ADI1: variants seen among roughly 807,000 people sequenced by gnomAD.
The protein encoded by ADI1 is acireductone dioxygenase 1.
Under a neutral mutation model 18.7 loss-of-function variants are expected in ADI1, and 21 were observed. That is an observed-to-expected ratio of 1.13 (90% CI 0.80 to 1.62). ADI1 has a LOEUF of 1.62. Among genes scored for constraint, ADI1 ranks in the 40% most tolerant of loss-of-function variants. The pLI is 0.00. For synonymous variants in ADI1, 90 were observed against 100.1 expected (o/e 0.90, Z 0.60); for missense variants, 245 against 254.9 (o/e 0.96, Z 0.26).
intron 2 of ADI1, among the ~76,000 whole-genome samples, chr2:3,503,467 A>C (rs1035011876): frequency 1.4e-5 from 2 of 139,970 alleles, no homozygotes; most frequent in African/African-American, 3.0e-5. Context: ...GTACACTCAC[A>C]CGTGTGCATT....
chr2:3,508,334 C>CAAAAAAAAAAAAAAA (rs33977448), intron 2 of ADI1, among the ~76,000 whole-genome samples: 4 of 26,924 alleles, frequency 1.5e-4, no homozygotes, highest in Non-Finnish European at 2.0e-4. Flanking sequence ...GACTCTGTCT[C>CAAAAAAAAAAAAAAA]AAAAAAAAAA....
Position 3,519,408 on chromosome 2 carries a change from C to G in ADI1, c.80G>C (p.Gly27Ala), listed in dbSNP as rs768517808. The G allele has an allele frequency of 1.0e-3, 1,424 of 1,397,170 alleles. 2 individuals carry two copies. The highest frequency in any genetic ancestry group is 1.2e-3 in the Non-Finnish European group (1,298 of 1,082,778). 86.5% of individuals were successfully genotyped at this position (1,397,170 alleles called of 1,614,324 possible). ...PHRPDPGRPV[G>A]LEQLRRLGVL... ...CCCGAGCCGCCGCAGCTGCTCCAGG[C>G]CCACTGGGCGGCCGGGGTCGGGGCG... Residue 27 changes from glycine to alanine, a missense_variant, in exon 1 of 4, where the codon GGC becomes GCC. Transcript: ENST00000327435.
chr2:3,506,501 C>T (rs769704436), intron 2 of ADI1, among the ~76,000 whole-genome samples: 22 of 152,096 alleles, frequency 1.4e-4, no homozygotes, highest in Non-Finnish European at 7.4e-5. Context: ...ACAAAATATG[C>T]ATAAGATCTA....
chr2:3,502,956 TGAGAG>T (rs1667060409), intron 2 of ADI1, among the ~76,000 whole-genome samples: 1 of 151,738 alleles, frequency 6.6e-6, no homozygotes, highest in Non-Finnish European at 1.5e-5. Context: ...CCTCTCACAG[TGAGAG>T]GAAAGATACA....
At chr2:3,519,062 T>G (rs1667495978) in intron 1 of ADI1, among the ~76,000 whole-genome samples, 1 of 148,704 alleles carries the variant, frequency 6.7e-6, no homozygotes, top group Admixed American at 6.6e-5. Flanking sequence ...TAAACTTCGC[T>G]GCTGAGCATG....
chr2:3,503,185 GCA>G (rs1330772303), intron 2 of ADI1, among the ~76,000 whole-genome samples: 1 of 150,478 alleles, frequency 6.6e-6, no homozygotes, highest in Non-Finnish European at 1.5e-5. Flanking sequence ...ACACTCACAT[GCA>G]CACATACATG....
rs537939007 is a variant in ADI1 at position 3,498,351 on chromosome 2, T to C, written c.*612A>G. ...ACACAGCTCATATATAAATTACTTA[T>C]CTATAAGAACAATTATAGAAGGAAT... is the stretch of plus-strand genomic sequence containing the variant. On this transcript the variant is annotated 3_prime_UTR_variant, in exon 4 of 4. Coordinates refer to ENST00000327435, the MANE Select transcript of ADI1 (RefSeq NM_018269.4). 2.0e-5 allele frequency: 3 copies of C among 152,324 alleles called. No individual in the cohort carries two copies. The highest frequency in any genetic ancestry group is 3.9e-4 in the East Asian group (2 of 5,186). 9.4% of individuals were successfully genotyped at this position (152,324 alleles called of 1,614,324 possible). A position where few individuals can be genotyped will look rare whatever the true frequency, so the allele number is the denominator to read the frequency against.
At position 3,498,111 on chromosome 2, in the gene ADI1, T is replaced by C. The variant is rs1336183938; in HGVS notation, c.*852A>G. On this transcript the variant is annotated 3_prime_UTR_variant, in exon 4 of 4. Transcript: ENST00000327435. ...GTGATTAAGAAAATTAATCCTAACATGAAGATTTTTCATCCAGTTAAAAAA... is the reference window on the plus strand; with the variant it reads ...GTGATTAAGAAAATTAATCCTAACACGAAGATTTTTCATCCAGTTAAAAAA... 2 of 152,176 alleles carry C rather than the reference T, an allele frequency of 1.3e-5. No homozygotes were observed. The highest frequency in any genetic ancestry group is 2.9e-5 in the Non-Finnish European group (2 of 68,028). The allele number at this position is 152,176 out of a possible 1,614,324, so 9.4% of individuals were successfully genotyped here. A position where few individuals can be genotyped will look rare whatever the true frequency, so the allele number is the denominator to read the frequency against.
intron 3 of ADI1, 58 bp downstream of exon 3, chr2:3,500,756 T>C (rs755540915): frequency 6.2e-7 from 1 of 1,610,256 alleles, no homozygotes; most frequent in Non-Finnish European, 8.5e-7. Context: ...GCGGCAGAGA[T>C]GCCACGGCCA....
chr2:3,500,509 G>T, intron 3 of ADI1: 1 of 303,718 alleles, frequency 3.3e-6, no homozygotes, highest in African/African-American at 1.1e-4. Context: ...GCAGGGCCAG[G>T]CTCGTGGGTG....
rs1667400523 is a variant in ADI1, at chr2:3,516,019, CATATT to C, written c.121-2048_121-2044del. ...CTATTTGCTATGGTCTGAATGTGTC[CATATT>C]ATGACACATAATATGTAATATGACA... On this transcript the variant is annotated intron_variant, in intron 1 of 3. Transcript: ENST00000327435. 5 of 983,740 alleles carry C rather than the reference CATATT, an allele frequency of 5.1e-6. No homozygotes were observed. The South Asian group carries it at 1.9e-4, about 37-fold the overall frequency. 60.9% of individuals were successfully genotyped at this position (983,740 alleles called of 1,614,324 possible).
Position 3,514,819 on chromosome 2 carries a change from C to G in ADI1, c.121-843G>C, listed in dbSNP as rs1341211826. ...TCATCACTACTTACTGAACAACAAA[C>G]TCCAGTGTTGCAGGAAGTCAGGGAC... On this transcript the variant is annotated intron_variant, in intron 1 of 3. Transcript: ENST00000327435. The G allele has an allele frequency of 7.7e-6, 12 of 1,548,896 alleles. No individual in the cohort carries two copies. In the East Asian group the frequency reaches 2.2e-4, roughly 28 times the overall value.
intron 1 of ADI1, among the ~76,000 whole-genome samples, chr2:3,514,646 T>C (rs78497022): frequency 0.011 from 1,728 of 152,330 alleles, 32 homozygotes; most frequent in South Asian, 0.068. Context: ...ATCACAATCC[T>C]ATCTCTATTA....
chr2:3,519,272 C>G (rs1032912500), intron 1 of ADI1, 96 bp downstream of exon 1: 5 of 1,308,572 alleles, frequency 3.8e-6, no homozygotes, highest in African/African-American at 1.5e-5. Context: ...GCCGCGGCTC[C>G]CAGGCCGCTG....
At chr2:3,507,477 A>G (rs1393949852) in intron 2 of ADI1, among the ~76,000 whole-genome samples, 1 of 152,144 alleles carries the variant, frequency 6.6e-6, no homozygotes, top group Admixed American at 6.5e-5. Flanking sequence ...GAATTACATC[A>G]GACCGTTCCT....
chr2:3,502,437 A>G (rs1667044730), intron 2 of ADI1, among the ~76,000 whole-genome samples: 1 of 148,372 alleles, frequency 6.7e-6, no homozygotes, highest in South Asian at 2.1e-4. Context: ...AGAAAAGACA[A>G]ACGGAAATAG....
intron 2 of ADI1, among the ~76,000 whole-genome samples, chr2:3,505,546 G>A (rs76403401): frequency 0.012 from 1,758 of 152,306 alleles, 32 homozygotes; most frequent in South Asian, 0.068. Context: ...GGGAAAGGGG[G>A]CCATTCTGAA....
At chr2:3,502,145 C>T (rs13384696) in intron 2 of ADI1, among the ~76,000 whole-genome samples, 73,948 of 151,906 alleles carry the variant, frequency 0.49, 21,101 homozygotes, top group African/African-American at 0.81. Flanking sequence ...CCTGCCTCAG[C>T]CTTCCCAGTA....
chr2:3,500,061 T>C (rs1666958357), intron 3 of ADI1, among the ~76,000 whole-genome samples: 1 of 146,130 alleles, frequency 6.8e-6, no homozygotes, highest in South Asian at 2.2e-4. Context: ...TGAGACTCCA[T>C]CTCAAAGAAA....
Sources: gnomAD v4.1 joint callset for allele counts (sites outside exome capture counted in the v4.1 genomes callset) on GRCh38, gnomAD v4.1.1 for gene constraint, MANE v1.5 for transcripts, NCBI Gene and HGNC (gene_info 2026-07-23, HGNC 2026-07-21) for gene names.